CSMD1: variants seen among roughly 807,000 people sequenced by gnomAD.
CSMD1 encodes CUB and Sushi multiple domains 1, also known as CUB and sushi domain-containing protein 1.
CSMD1 carries 213 observed loss-of-function variants against 417.5 expected under a neutral mutation model. The ratio of observed to expected loss-of-function variants is 0.51; its 90% CI spans 0.46 to 0.57. The LOEUF (loss-of-function observed/expected upper bound fraction) is 0.57, where lower values mean the gene tolerates loss of function less well. Among genes scored for constraint, CSMD1 ranks in the 20% least tolerant of loss-of-function variants. The pLI is 0.00. For synonymous variants in CSMD1, 2,862 were observed against 1,736.8 expected (o/e 1.65, Z -16.11); for missense variants, 6,923 against 4,529.7 (o/e 1.53, Z -15.17).
chr8:3,112,406 AAAAC>A (rs1280368125), intron 42 of CSMD1, among the ~76,000 whole-genome samples: 2 of 152,172 alleles, frequency 1.3e-5, no homozygotes, highest in Non-Finnish European at 2.9e-5. Context: ...TTGGGAAAAC[AAAAC>A]AAAAAGCCAT....
chr8:4,275,761 A>G (rs139615400), intron 3 of CSMD1, among the ~76,000 whole-genome samples: 66 of 152,342 alleles, frequency 4.3e-4, no homozygotes, highest in African/African-American at 1.5e-3. Context: ...AAAACACTTT[A>G]GTCACAGAAT....
chr8:3,511,242 C>A lies in CSMD1; in HGVS notation c.1345-17516G>T, dbSNP rs148405934. Among the ~76,000 whole-genome samples, 723 of 151,640 alleles carry A rather than the reference C, an allele frequency of 4.8e-3. 9 individuals are homozygous for A. The highest frequency in any genetic ancestry group is 0.025 in the South Asian group (121 of 4,806). On this transcript the variant is annotated intron_variant, in intron 10 of 69. Transcript: ENST00000635120. Reference sequence around the variant, plus strand: ...CCAGGGCCTGTTGGGGGGTGAGAGGCTAGGGAATGAATAGCATTAGGAGAA... The same window carrying A: ...CCAGGGCCTGTTGGGGGGTGAGAGGATAGGGAATGAATAGCATTAGGAGAA...
chr8:4,965,572 T>C (rs984484796), intron 1 of CSMD1, among the ~76,000 whole-genome samples: 26 of 152,344 alleles, frequency 1.7e-4, no homozygotes, highest in African/African-American at 6.3e-4. Context: ...AGTTTTCTGT[T>C]TACTTCTTTA....
intron 5 of CSMD1, among the ~76,000 whole-genome samples, chr8:3,957,793 T>G (rs915396531): frequency 6.6e-6 from 1 of 152,064 alleles, no homozygotes; most frequent in African/African-American, 2.4e-5. Flanking sequence ...AAGAATAATG[T>G]TGTTAGTTTC....
chr8:4,140,017 C>A (rs1039128288), intron 3 of CSMD1, among the ~76,000 whole-genome samples: 1 of 150,694 alleles, frequency 6.6e-6, no homozygotes, highest in Admixed American at 6.6e-5. Context: ...TCTCCCTGAC[C>A]TCAATTTGCC....
At chr8:4,765,930 C>T (rs1483755166) in intron 1 of CSMD1, among the ~76,000 whole-genome samples, 2 of 152,044 alleles carry the variant, frequency 1.3e-5, no homozygotes, top group East Asian at 1.9e-4. Flanking sequence ...TTTGAAGAAT[C>T]GAGCTTAGCT....
At chr8:4,143,409 G>A (rs1325712439) in intron 3 of CSMD1, among the ~76,000 whole-genome samples, 3 of 147,958 alleles carry the variant, frequency 2.0e-5, no homozygotes, top group Admixed American at 6.7e-5. Context: ...AGTTAATTAG[G>A]TGGAACCCAG....
At chr8:3,646,570 C>T (rs1336030442) in intron 7 of CSMD1, among the ~76,000 whole-genome samples, 1 of 152,190 alleles carries the variant, frequency 6.6e-6, no homozygotes, top group Non-Finnish European at 1.5e-5. Flanking sequence ...CTTGTTTCCC[C>T]TGATTCTCAG....
intron 1 of CSMD1, among the ~76,000 whole-genome samples, chr8:4,952,559 T>G (rs1808823838): frequency 6.6e-6 from 1 of 152,068 alleles, no homozygotes; most frequent in Admixed American, 6.6e-5. Flanking sequence ...ATTTTTAAAT[T>G]TTCACTTTAA....
At chr8:3,347,191 G>T (rs941611782) in intron 22 of CSMD1, among the ~76,000 whole-genome samples, 1 of 152,258 alleles carries the variant, frequency 6.6e-6, no homozygotes. Context: ...GGTTGGACAA[G>T]ATAGTATTAT....
intron 12 of CSMD1, among the ~76,000 whole-genome samples, chr8:3,466,108 C>T (rs900861066): frequency 3.0e-4 from 45 of 151,862 alleles, no homozygotes; most frequent in Non-Finnish European, 1.3e-4. Flanking sequence ...AATAAGAGCT[C>T]GCATTTCTTA....
At chr8:3,389,581 A>G (rs11784448) in intron 17 of CSMD1, among the ~76,000 whole-genome samples, 99,619 of 151,994 alleles carry the variant, frequency 0.66, 33,189 homozygotes, top group African/African-American at 0.77. Flanking sequence ...TGTATGCACT[A>G]CGGCAAAACA....
chr8:4,355,444 T>G lies in CSMD1; in HGVS notation c.415+64509A>C, dbSNP rs565727920. ...CAGGTATCTTCTTTATGTGTTTGCA[T>G]GTAGGAAAGCATAAATAGCTCAAAC... is the stretch of plus-strand genomic sequence containing the variant. On this transcript the variant is annotated intron_variant, in intron 3 of 69. Transcript: ENST00000635120. 1.1e-4 allele frequency among the ~76,000 whole-genome samples: 17 copies of G among 152,214 alleles called. No individual in the cohort carries two copies. In the East Asian group the frequency reaches 2.5e-3, roughly 22 times the overall value.
chr8:4,861,540 G>T (rs931080891), intron 1 of CSMD1, among the ~76,000 whole-genome samples: 3 of 152,060 alleles, frequency 2.0e-5, no homozygotes, highest in Admixed American at 1.3e-4. Flanking sequence ...AAATGACATA[G>T]GTGGATGTTA....
chr8:4,655,845 T>C (rs1804196650), intron 1 of CSMD1, among the ~76,000 whole-genome samples: 2 of 152,092 alleles, frequency 1.3e-5, no homozygotes, highest in Non-Finnish European at 2.9e-5. Flanking sequence ...GCTAATTCAC[T>C]TACTGAGAAA....
chr8:4,073,296 G>C (rs1402411393), intron 3 of CSMD1, among the ~76,000 whole-genome samples: 1 of 152,114 alleles, frequency 6.6e-6, no homozygotes, highest in African/African-American at 2.4e-5. Flanking sequence ...AGAGAGTAAA[G>C]AAATTTAGCT....
intron 3 of CSMD1, among the ~76,000 whole-genome samples, chr8:4,265,172 A>C (rs1424576504): frequency 6.6e-6 from 1 of 152,160 alleles, no homozygotes; most frequent in Non-Finnish European, 1.5e-5. Flanking sequence ...TAAATAGTGG[A>C]ACCTGTTTCA....
At chr8:3,776,882 A>T (rs555390270) in intron 5 of CSMD1, among the ~76,000 whole-genome samples, 1 of 151,584 alleles carries the variant, frequency 6.6e-6, no homozygotes, top group African/African-American at 2.4e-5. Context: ...GATAGATATA[A>T]CTTTGTATTT....
At chr8:4,194,511 C>G (rs1411745893) in intron 3 of CSMD1, among the ~76,000 whole-genome samples, 2 of 152,096 alleles carry the variant, frequency 1.3e-5, no homozygotes, top group Non-Finnish European at 2.9e-5. Context: ...GTAAATAATG[C>G]CAGGAAGCAT....
Sources: allele counts gnomAD v4.1 joint callset (sites outside exome capture counted in the v4.1 genomes callset), GRCh38; gene constraint gnomAD v4.1.1; transcripts MANE v1.5; gene names NCBI Gene and HGNC (gene_info 2026-07-23, HGNC 2026-07-21).